SH3D19: variants seen among roughly 807,000 people sequenced by gnomAD.
SH3D19 encodes the protein SH3 domain containing 19.
A neutral mutation model predicts 112.1 loss-of-function variants in SH3D19; 58 were observed. The observed-to-expected ratio is 0.52, with a 90% CI of 0.42 to 0.64. The LOEUF is 0.64. Ranked by LOEUF, SH3D19 falls within the 30% of genes least tolerant of loss-of-function variation. The pLI is 0.00. For missense variants in SH3D19, 1,090 were observed against 1,263.4 expected, an observed-to-expected ratio of 0.86 and a Z score of 2.08; for synonymous variants, 391 against 448.5, an observed-to-expected ratio of 0.87 and a Z score of 1.62.
At chr4:151,205,811 A>G (rs918994297) in intron 2 of SH3D19, among the ~76,000 whole-genome samples, 2 of 152,190 alleles carry the variant, frequency 1.3e-5, no homozygotes, top group African/African-American at 4.8e-5. Flanking sequence ...CCCGTACAAG[A>G]AGGTACTGTT....
rs1754261671 is a variant in SH3D19, at chr4:151,148,156, T to C, written c.1848A>G (p.Gln616=). 4 of 1,609,242 alleles carry C rather than the reference T, an allele frequency of 2.5e-6. No homozygotes were observed. Among genetic ancestry groups the C allele is most frequent in the Non-Finnish European group, 3.4e-6 (4 of 1,178,752 alleles). Residue 616 remains glutamine, a synonymous_variant, in exon 11 of 20, where the codon CAA becomes CAG. Transcript: ENST00000604030. The part of the protein sequence containing the change: ...RPVNGKTIPT[Q]QPPTKVPPER... ...CAGGGGGCACCTTGGTTGGAGGCTGTTGAGTTGGAATGGTTTTTCCATTCA... is the reference window on the plus strand; with the variant it reads ...CAGGGGGCACCTTGGTTGGAGGCTGCTGAGTTGGAATGGTTTTTCCATTCA...
intron 1 of SH3D19, among the ~76,000 whole-genome samples, chr4:151,236,579 G>T (rs924746282): frequency 2.0e-5 from 3 of 150,382 alleles, no homozygotes; most frequent in Admixed American, 7.2e-5. Flanking sequence ...TAGCTAAAGG[G>T]TTGTAAATGC....
At chr4:151,171,373 C>T (rs1231951749) in intron 7 of SH3D19, among the ~76,000 whole-genome samples, 2 of 152,052 alleles carry the variant, frequency 1.3e-5, no homozygotes, top group Non-Finnish European at 1.5e-5. Context: ...CTTGCTTCTA[C>T]AGAAAAACAA....
intron 7 of SH3D19, among the ~76,000 whole-genome samples, chr4:151,171,511 C>T (rs371240051): frequency 5.9e-5 from 9 of 152,104 alleles, no homozygotes; most frequent in African/African-American, 2.2e-4. Flanking sequence ...AATGTTTATT[C>T]TGTCTTCCCT....
intron 1 of SH3D19, among the ~76,000 whole-genome samples, chr4:151,248,419 G>A (rs1771108155): frequency 6.6e-6 from 1 of 152,116 alleles, no homozygotes; most frequent in Non-Finnish European, 1.5e-5. Flanking sequence ...TTTTTAGTTT[G>A]CATTGAATAG....
At chr4:151,207,457 G>T (rs1474126775) in intron 2 of SH3D19, among the ~76,000 whole-genome samples, 1 of 152,178 alleles carries the variant, frequency 6.6e-6, no homozygotes, top group Admixed American at 6.5e-5. Flanking sequence ...AGGAGATTAG[G>T]TTATGCTCAA....
intron 1 of SH3D19, among the ~76,000 whole-genome samples, chr4:151,308,413 C>A (rs1729127041): frequency 6.6e-6 from 1 of 152,146 alleles, no homozygotes; most frequent in South Asian, 2.1e-4. Flanking sequence ...CCTTAAGGTA[C>A]CCCCCACAGG....
At chr4:151,234,158 C>CA (rs529091719) in intron 1 of SH3D19, among the ~76,000 whole-genome samples, 55 of 152,184 alleles carry the variant, frequency 3.6e-4, no homozygotes, top group Admixed American at 2.5e-3. Context: ...TTCTCCAAAA[C>CA]AAAAAACGCA....
intron 2 of SH3D19, among the ~76,000 whole-genome samples, chr4:151,205,571 G>T (rs1466825251): frequency 3.3e-5 from 5 of 152,074 alleles, no homozygotes; most frequent in Admixed American, 2.6e-4. Flanking sequence ...TTATTGGATT[G>T]GATGATCTCT....
chr4:151,168,457 T>A (rs896299207), intron 7 of SH3D19, among the ~76,000 whole-genome samples: 20 of 151,378 alleles, frequency 1.3e-4, no homozygotes, highest in African/African-American at 4.9e-4. Context: ...TGTCTCACGG[T>A]GTCACTCTGT....
At position 151,222,784 on chromosome 4, in the gene SH3D19, T is replaced by C. The variant is rs144427219; in HGVS notation, c.152+3263A>G. On this transcript the variant is annotated intron_variant, in intron 2 of 19. Coordinates refer to ENST00000604030, the MANE Select transcript of SH3D19 (RefSeq NM_001378122.1). ...GCCTCCCGGGTTCAAGTAATTCTCC[T>C]GCCTTGGCCTCACAAGTAGCTGGGA... 4.1e-3 allele frequency among the ~76,000 whole-genome samples: 620 copies of C among 149,688 alleles called. 1 individual carries two copies. Among genetic ancestry groups the C allele is most frequent in the Non-Finnish European group, 6.2e-3 (417 of 67,502 alleles).
At chr4:151,272,366 T>TG (rs1164116836) in intron 1 of SH3D19, among the ~76,000 whole-genome samples, 1 of 152,170 alleles carries the variant, frequency 6.6e-6, no homozygotes, top group African/African-American at 2.4e-5. Flanking sequence ...AATAGCACTG[T>TG]GGGCTGAAAA....
intron 1 of SH3D19, among the ~76,000 whole-genome samples, chr4:151,286,184 G>GAAAAAAAAAAAAAAAAAAAAAAA (rs56850648): frequency 1.2e-5 from 1 of 86,624 alleles, no homozygotes; most frequent in African/African-American, 4.7e-5. Context: ...CTGTCTTAAA[G>GAAAAAAAAAAAAAAAAAAAAAAA]AAAAAAAAAA....
At chr4:151,281,154 G>T (rs748910092) in intron 1 of SH3D19, among the ~76,000 whole-genome samples, 1 of 151,924 alleles carries the variant, frequency 6.6e-6, no homozygotes, top group Non-Finnish European at 1.5e-5. Context: ...GAGAGCAGAG[G>T]GCTCCAAAAA....
rs569044806 is a variant in SH3D19, at chr4:151,299,456, T to C, written c.112+25785A>G. 2.0e-5 allele frequency among the ~76,000 whole-genome samples: 3 copies of C among 152,092 alleles called. No individual in the cohort carries two copies. The South Asian group carries it at 6.2e-4, about 32-fold the overall frequency. ...TTAGCCTGGCGTGGTGGCGCATGCC[T>C]GTAATCCCAGCTACTGGGAAGGCTG... On this transcript the variant is annotated intron_variant, in intron 1 of 19. Transcript: ENST00000604030.
chr4:151,132,060 G>A (rs1470675414), intron 17 of SH3D19, among the ~76,000 whole-genome samples: 1 of 151,562 alleles, frequency 6.6e-6, no homozygotes, highest in Admixed American at 6.6e-5. Context: ...CTAACCTCAG[G>A]TAATCCACCT....
intron 9 of SH3D19, among the ~76,000 whole-genome samples, chr4:151,153,607 T>A (rs762264822): frequency 9.2e-5 from 14 of 152,158 alleles, no homozygotes; most frequent in East Asian, 3.9e-4. Context: ...TAATTTTTTT[T>A]AAAAAAAAAG....
At chr4:151,303,925 A>T (rs1580452710) in intron 1 of SH3D19, among the ~76,000 whole-genome samples, 1 of 150,104 alleles carries the variant, frequency 6.7e-6, no homozygotes, top group East Asian at 2.0e-4. Flanking sequence ...GAGTATCCCT[A>T]CCTTCTCTTG....
chr4:151,276,288 G>C (rs541956216), intron 1 of SH3D19, among the ~76,000 whole-genome samples: 4 of 152,186 alleles, frequency 2.6e-5, no homozygotes, highest in Non-Finnish European at 4.4e-5. Flanking sequence ...ACAAAAGGCA[G>C]AGTGAAGATT....
Sources: gnomAD v4.1 joint callset for allele counts (sites outside exome capture counted in the v4.1 genomes callset) on GRCh38, gnomAD v4.1.1 for gene constraint, MANE v1.5 for transcripts, NCBI Gene and HGNC (gene_info 2026-07-23, HGNC 2026-07-21) for gene names.